Variants in SRSF5 observed in about 807,000 individuals in gnomAD.
The protein encoded by SRSF5 is serine and arginine rich splicing factor 5.
SRSF5 carries 5 observed loss-of-function variants against 34.0 expected under a neutral mutation model. The ratio of observed to expected loss-of-function variants is 0.15; its 90% CI spans 0.08 to 0.31. The LOEUF (loss-of-function observed/expected upper bound fraction) is 0.31, where lower values mean the gene tolerates loss of function less well. Ranked by LOEUF, SRSF5 falls within the 10% of genes least tolerant of loss-of-function variation. SRSF5 has a pLI of 1.00. For synonymous variants in SRSF5, 164 were observed against 117.7 expected (o/e 1.39, Z -2.55); for missense variants, 223 against 351.4 (o/e 0.63, Z 2.92).
At chr14:69,770,736 A>G in intron 6 of SRSF5, 196 bp downstream of exon 6, 2 of 644,662 alleles carry the variant, frequency 3.1e-6, no homozygotes, top group Non-Finnish European at 5.3e-6. Context: ...TTGAGAGAGG[A>G]TGCTGTTGGC....
chr14:69,770,038 T>G (rs917728501), intron 5 of SRSF5: 3 of 1,019,486 alleles, frequency 2.9e-6, no homozygotes, highest in Non-Finnish European at 2.3e-6. Context: ...GAAATAATAA[T>G]AAAGGTAAAG....
intron 4 of SRSF5, 103 bp from the exon 5 acceptor site, chr14:69,769,079 A>C (rs778205271): frequency 2.1e-6 from 3 of 1,421,362 alleles, no homozygotes; most frequent in Non-Finnish European, 3.0e-6. Flanking sequence ...GACGGAAGTC[A>C]TTAGAATGGC....
intron 5 of SRSF5, chr14:69,769,673 C>A: frequency 6.7e-7 from 1 of 1,503,662 alleles, no homozygotes; most frequent in Non-Finnish European, 8.8e-7. Flanking sequence ...GTTATCGGTG[C>A]ACTTCCTTGA....
chr14:69,770,833 C>T lies in SRSF5; in HGVS notation c.441-162C>T, dbSNP rs1189162037. On this transcript the variant is annotated intron_variant, in intron 6 of 7. Coordinates refer to ENST00000557154, the MANE Select transcript of SRSF5 (RefSeq NM_001320214.2). ...AACAATGAATTGGCTCAAAGTATAACAGTGCCAAAACTTTGCTCTTTTAAT... is the reference window on the plus strand; with the variant it reads ...AACAATGAATTGGCTCAAAGTATAATAGTGCCAAAACTTTGCTCTTTTAAT... 4.2e-6 allele frequency: 3 copies of T among 715,880 alleles called. No individual in the cohort carries two copies. The East Asian group carries it at 8.1e-5, about 19-fold the overall frequency. The allele number at this position is 715,880 out of a possible 1,614,324, so 44.3% of individuals were successfully genotyped here. A position where few individuals can be genotyped will look rare whatever the true frequency, so the allele number is the denominator to read the frequency against.
intron 3 of SRSF5, 38 bp from the exon 4 acceptor site, chr14:69,768,760 T>C (rs1390861199): frequency 9.3e-6 from 15 of 1,612,224 alleles, no homozygotes; most frequent in African/African-American, 1.3e-5. Context: ...TTTATGTAGC[T>C]TAAGTGTGTA....
intron 4 of SRSF5, 125 bp downstream of exon 4, chr14:69,769,021 C>G: frequency 7.7e-7 from 1 of 1,292,322 alleles, no homozygotes; most frequent in Admixed American, 1.9e-5. Flanking sequence ...CCCACGTTAG[C>G]CAGTTGTTCT....
chr14:69,771,593 T>G lies in SRSF5; in HGVS notation c.*132T>G. On this transcript the variant is annotated 3_prime_UTR_variant, in exon 8 of 8. Transcript: ENST00000557154. ...GGTGGGATTTGGAAGGGGGGTTGGG[T>G]TGGGCTGGATATCTTTGTAGATGTG... 1 of 956,824 alleles carries G rather than the reference T, an allele frequency of 1.0e-6. No homozygotes were observed. Among genetic ancestry groups the G allele is most frequent in the Non-Finnish European group, 1.5e-6 (1 of 672,352 alleles). The allele number at this position is 956,824 out of a possible 1,614,324, so 59.3% of individuals were successfully genotyped here. A position where few individuals can be genotyped will look rare whatever the true frequency, so the allele number is the denominator to read the frequency against.
At chr14:69,767,684 G>A (rs927064730) in intron 1 of SRSF5, 4 of 366,236 alleles carry the variant, frequency 1.1e-5, no homozygotes, top group Admixed American at 3.5e-5. Flanking sequence ...CCGCCATTTT[G>A]TGGCCGCAGA....
chr14:69,770,555 CTG>C lies in SRSF5; in HGVS notation c.440+18_440+19del, dbSNP rs373265289. 69 of 1,600,034 alleles carry C rather than the reference CTG, an allele frequency of 4.3e-5. No individual in the cohort carries two copies. In the African/African-American group the frequency reaches 6.3e-4, roughly 15 times the overall value. ...TTAAATGAAGGGTATGTACTGGAAA[CTG>C]TGAAAGTCTTTAAAAATATCCGGAA... On this transcript the variant is annotated intron_variant, in intron 6 of 7. Transcript: ENST00000557154.
At position 69,768,171 on chromosome 14, in the gene SRSF5, G is replaced by A. The variant is rs1202447832; in HGVS notation, c.15G>A (p.Arg5=). 2 of 1,614,168 alleles carry A rather than the reference G, an allele frequency of 1.2e-6. No homozygotes were observed. The highest frequency in any genetic ancestry group is 8.5e-7 in the Non-Finnish European group (1 of 1,180,028). Residue 5 remains arginine, a synonymous_variant, in exon 2 of 8, where the codon CGG becomes CGA. Coordinates refer to ENST00000557154, the MANE Select transcript of SRSF5 (RefSeq NM_001320214.2). MSGC[R]VFIGRLNPAA... ...AGCCGGACATCATGAGTGGCTGTCGGGTATTCATCGGGAGACTAAATCCAG... is the reference window on the plus strand; with the variant it reads ...AGCCGGACATCATGAGTGGCTGTCGAGTATTCATCGGGAGACTAAATCCAG...
At chr14:69,767,969 G>A (rs1044539722) in intron 1 of SRSF5, 169 bp from the exon 2 acceptor site, 6 of 675,216 alleles carry the variant, frequency 8.9e-6, no homozygotes, top group South Asian at 5.7e-5. Context: ...AGGGAGCTGG[G>A]TTTTCATTTT....
chr14:69,769,793 A>G, intron 5 of SRSF5: 1 of 1,353,208 alleles, frequency 7.4e-7, no homozygotes. Flanking sequence ...AAAAGAGTTG[A>G]AAGATACGAA....
Position 69,768,594 on chromosome 14 carries a change from T to G in SRSF5, c.127-10T>G, listed in dbSNP as rs747129018. On this transcript the variant is annotated splice_polypyrimidine_tract_variant and intron_variant, in intron 2 of 7. Coordinates refer to ENST00000557154, the MANE Select transcript of SRSF5 (RefSeq NM_001320214.2). ...AAGCCAATGTTAAGAGTCTTATGCTTACATTTTAGGAATTTGAGGATCCAA... is the reference window on the plus strand; with the variant it reads ...AAGCCAATGTTAAGAGTCTTATGCTGACATTTTAGGAATTTGAGGATCCAA... 30 of 1,613,710 alleles carry G rather than the reference T, an allele frequency of 1.9e-5. No individual in the cohort carries two copies. Among genetic ancestry groups the G allele is most frequent in the Non-Finnish European group, 2.5e-5 (29 of 1,179,700 alleles).
chr14:69,768,537 G>T (rs1882815972), intron 2 of SRSF5, 67 bp from the exon 3 acceptor site: 13 of 1,465,228 alleles, frequency 8.9e-6, no homozygotes, highest in Non-Finnish European at 7.6e-6. Flanking sequence ...CCTGATTTCA[G>T]TGCTCTTAAT....
At chr14:69,767,954 T>C (rs1358991236) in intron 1 of SRSF5, 184 bp from the exon 2 acceptor site, 1 of 593,166 alleles carries the variant, frequency 1.7e-6, no homozygotes, top group Non-Finnish European at 2.9e-6. Flanking sequence ...GCGGACCGTG[T>C]TGGGAGGGAG....
Position 69,771,473 on chromosome 14 carries a change from C to G in SRSF5, c.*12C>G. The G allele has an allele frequency of 6.2e-7, 1 of 1,607,122 alleles. No individual in the cohort carries two copies. The highest frequency in any genetic ancestry group is 8.5e-7 in the Non-Finnish European group (1 of 1,176,160). ...ACAGTGGCAATTAAACTGTAAATAA[C>G]TTGCCCTGGGGGCCTTTTTTTAAAA... On this transcript the variant is annotated 3_prime_UTR_variant, in exon 8 of 8. Coordinates refer to ENST00000557154, the MANE Select transcript of SRSF5 (RefSeq NM_001320214.2).
Position 69,771,735 on chromosome 14 carries a change from ATAAC to A in SRSF5, c.*278_*281del. On this transcript the variant is annotated 3_prime_UTR_variant, in exon 8 of 8. Coordinates refer to ENST00000557154, the MANE Select transcript of SRSF5 (RefSeq NM_001320214.2). Reference sequence around the variant, plus strand: ...TTGTGTATATTGACAGAGCTCTTTTATAACTAAAGCAAATTTAATTTTTTTGTAC... The same window carrying A: ...TTGTGTATATTGACAGAGCTCTTTTATAAAGCAAATTTAATTTTTTTGTAC... 3.0e-6 allele frequency: 1 copy of A among 328,610 alleles called. No individual in the cohort carries two copies. The allele number at this position is 328,610 out of a possible 1,614,324, so 20.4% of individuals were successfully genotyped here.
At chr14:69,768,955 C>G in intron 4 of SRSF5, 59 bp downstream of exon 4, 5 of 1,545,558 alleles carry the variant, frequency 3.2e-6, no homozygotes, top group South Asian at 1.1e-5. Context: ...ATTTAAGATT[C>G]AGGAGTCATT....
In SRSF5 at chr14:69,767,209, A is replaced by G. The variant is rs980962683; in HGVS notation, c.-66A>G. The G allele has an allele frequency of 8.4e-6, 3 of 356,072 alleles. No homozygotes were observed. Among genetic ancestry groups the G allele is most frequent in the African/African-American group, 6.4e-5 (3 of 46,574 alleles). 22.1% of individuals were successfully genotyped at this position (356,072 alleles called of 1,614,324 possible). A position where few individuals can be genotyped will look rare whatever the true frequency, so the allele number is the denominator to read the frequency against. On this transcript the variant is annotated 5_prime_UTR_variant, in exon 1 of 8. Transcript: ENST00000557154. ...GTGGAGGTCGACGACTCCGTCGCAGACTACGGACCTGTCTGGGTCTCAGCC... is the reference window on the plus strand; with the variant it reads ...GTGGAGGTCGACGACTCCGTCGCAGGCTACGGACCTGTCTGGGTCTCAGCC...
Sources: gnomAD v4.1 joint callset for allele counts on GRCh38, gnomAD v4.1.1 for gene constraint, MANE v1.5 for transcripts, NCBI Gene and HGNC (gene_info 2026-07-23, HGNC 2026-07-21) for gene names.